STARD9: variants seen among roughly 807,000 people sequenced by gnomAD.
The protein encoded by STARD9 is stAR-related lipid transfer protein 9.
Under a neutral mutation model 399.8 loss-of-function variants are expected in STARD9, and 346 were observed. The ratio of observed to expected loss-of-function variants is 0.87; its 90% CI spans 0.79 to 0.95. STARD9 has a LOEUF of 0.95. Ranked by LOEUF, STARD9 falls within the 40% of genes least tolerant of loss-of-function variation. STARD9 has a pLI of 0.00. For missense variants in STARD9, 5,832 were observed against 5,667.5 expected (o/e 1.03, Z -0.93); for synonymous variants, 2,203 against 2,143.5 (o/e 1.03, Z -0.77).
chr15:42,587,356 C>G (rs957678165), intron 3 of STARD9, among the ~76,000 whole-genome samples: 2 of 152,000 alleles, frequency 1.3e-5, no homozygotes, highest in Admixed American at 1.3e-4. Context: ...GAAATAAGAC[C>G]GTAGACCACT....
At chr15:42,701,161 G>A (rs2060955928) in intron 26 of STARD9, among the ~76,000 whole-genome samples, 1 of 152,092 alleles carries the variant, frequency 6.6e-6, no homozygotes. Flanking sequence ...CTATAGCTTG[G>A]TAGTATTTTT....
chr15:42,674,330 G>A lies in STARD9; in HGVS notation c.1498-110G>A, dbSNP rs560628012. The A allele has an allele frequency of 4.6e-6, 4 of 878,994 alleles. No individual in the cohort carries two copies. The South Asian group carries it at 6.1e-5, about 13-fold the overall frequency. 54.4% of individuals were successfully genotyped at this position (878,994 alleles called of 1,614,324 possible). A position where few individuals can be genotyped will look rare whatever the true frequency, so the allele number is the denominator to read the frequency against. ...ACCAGGCTGGGATGGGATGAGAAGT[G>A]GTACAGATGAGGCTGGGAAGACAGT... On this transcript the variant is annotated intron_variant, in intron 16 of 32. Transcript: ENST00000290607.
chr15:42,636,447 G>A (rs1211860063), intron 4 of STARD9, among the ~76,000 whole-genome samples: 1 of 152,196 alleles, frequency 6.6e-6, no homozygotes, highest in Non-Finnish European at 1.5e-5. Context: ...CAGACATGGT[G>A]GCGTGCGCCT....
intron 3 of STARD9, among the ~76,000 whole-genome samples, chr15:42,589,753 C>G (rs1008432462): frequency 6.6e-6 from 1 of 151,610 alleles, no homozygotes; most frequent in African/African-American, 2.4e-5. Context: ...ATTACAGGCG[C>G]CTGCCACCAT....
intron 10 of STARD9, 91 bp downstream of exon 10, chr15:42,661,316 C>A: frequency 1.1e-6 from 1 of 915,292 alleles, no homozygotes; most frequent in Non-Finnish European, 1.7e-6. Context: ...ACATTTCAGT[C>A]ATCCTGAGAG....
Position 42,690,422 on chromosome 15 carries a change from C to A in STARD9, c.8844C>A (p.Ser2948Arg). The change falls in exon 23 of 33, where the codon AGC (serine) becomes AGA (arginine). Residue 2948 changes from serine to arginine, a missense_variant. Coordinates refer to ENST00000290607, the MANE Select transcript of STARD9 (RefSeq NM_020759.3). ...TCAGCCCGTCTAGAGGGAAAGAGAG[C>A]AGAACTCTTCCTTGCCGACAGCCAT... ...RTLSPSRGKESRTLPCRQPCS... is the reference protein window; with the variant it reads ...RTLSPSRGKERRTLPCRQPCS... The A allele has an allele frequency of 3.9e-6, 6 of 1,537,172 alleles. No individual in the cohort carries two copies. Among genetic ancestry groups the A allele is most frequent in the Non-Finnish European group, 5.2e-6 (6 of 1,146,868 alleles).
chr15:42,652,783 C>T (rs908017338), intron 9 of STARD9, among the ~76,000 whole-genome samples, 191 bp downstream of exon 9: 2 of 152,172 alleles, frequency 1.3e-5, no homozygotes. Flanking sequence ...TCAAACAATT[C>T]TCCTGCCTCA....
intron 7 of STARD9, among the ~76,000 whole-genome samples, chr15:42,648,310 A>G (rs1418580306): frequency 6.6e-6 from 1 of 151,958 alleles, no homozygotes; most frequent in Non-Finnish European, 1.5e-5. Flanking sequence ...TTACAGGCAC[A>G]TGCTACCGTG....
intron 4 of STARD9, among the ~76,000 whole-genome samples, chr15:42,635,531 G>A (rs193141726): frequency 2.0e-5 from 3 of 151,976 alleles, no homozygotes; most frequent in Admixed American, 1.3e-4. Flanking sequence ...GGGTTTCACC[G>A]TGTTAGCCAG....
chr15:42,627,596 GC>G (rs1477515974), intron 3 of STARD9, among the ~76,000 whole-genome samples: 5 of 151,898 alleles, frequency 3.3e-5, no homozygotes. Flanking sequence ...TCCCTCTACC[GC>G]CACTGCCCTT....
At chr15:42,636,910 A>T (rs2059429142) in intron 4 of STARD9, among the ~76,000 whole-genome samples, 1 of 151,890 alleles carries the variant, frequency 6.6e-6, no homozygotes, top group African/African-American at 2.4e-5. Context: ...TACTAAAAAT[A>T]CAAATTAGCC....
At chr15:42,673,752 A>T (rs1017895660) in intron 16 of STARD9, among the ~76,000 whole-genome samples, 2 of 152,178 alleles carry the variant, frequency 1.3e-5, no homozygotes, top group African/African-American at 4.8e-5. Flanking sequence ...TAACATAGCT[A>T]TGTGGGTCTT....
chr15:42,643,300 A>G (rs1211292947), intron 7 of STARD9, among the ~76,000 whole-genome samples: 1 of 151,522 alleles, frequency 6.6e-6, no homozygotes, highest in Non-Finnish European at 1.5e-5. Flanking sequence ...AAGTTTGAGT[A>G]ATTCTGCTGC....
At chr15:42,612,651 C>T (rs958859664) in intron 3 of STARD9, among the ~76,000 whole-genome samples, 11 of 152,118 alleles carry the variant, frequency 7.2e-5, no homozygotes, top group African/African-American at 1.9e-4. Context: ...GGACAGTTGT[C>T]CATGGGAACA....
intron 20 of STARD9, 140 bp downstream of exon 20, chr15:42,676,115 G>T (rs889539745): frequency 2.8e-6 from 2 of 703,652 alleles, no homozygotes; most frequent in Non-Finnish European, 4.8e-6. Flanking sequence ...ATCAACTTGG[G>T]CAAGTCATTT....
intron 3 of STARD9, among the ~76,000 whole-genome samples, chr15:42,600,466 T>TG (rs1034010269): frequency 7.9e-5 from 12 of 151,634 alleles, no homozygotes; most frequent in African/African-American, 2.9e-4. Flanking sequence ...GGTAAACAAA[T>TG]GGGGGGTGCT....
chr15:42,597,552 T>G (rs2058531554), intron 3 of STARD9, among the ~76,000 whole-genome samples: 1 of 151,612 alleles, frequency 6.6e-6, no homozygotes, highest in Non-Finnish European at 1.5e-5. Flanking sequence ...TTGTTTGTTT[T>G]TTTAAATAGA....
rs570558234 is a variant in STARD9 at position 42,667,500 on chromosome 15, G to A, written c.1317+1652G>A. Among the ~76,000 whole-genome samples the A allele has an allele frequency of 2.1e-5, 3 of 143,664 alleles. No homozygotes were observed. In the South Asian group the frequency reaches 6.7e-4, roughly 32 times the overall value. The allele number at this position is 143,664 out of a possible 152,430, so 94.2% of individuals were successfully genotyped here. A position where few individuals can be genotyped will look rare whatever the true frequency, so the allele number is the denominator to read the frequency against. On this transcript the variant is annotated intron_variant, in intron 15 of 32. Transcript: ENST00000290607. ...ACTTGGCCTATTTTTTATTATTTTG[G>A]GACAGAGTTTCGCTCTTGTCATCCA...
chr15:42,580,800 G>A (rs1425357825), intron 1 of STARD9, among the ~76,000 whole-genome samples: 1 of 152,122 alleles, frequency 6.6e-6, no homozygotes, highest in African/African-American at 2.4e-5. Flanking sequence ...CTGGGCAACA[G>A]AGCAAGACTT....
Sources: gnomAD v4.1 joint callset for allele counts (sites outside exome capture counted in the v4.1 genomes callset) on GRCh38, gnomAD v4.1.1 for gene constraint, MANE v1.5 for transcripts, NCBI Gene and HGNC (gene_info 2026-07-23, HGNC 2026-07-21) for gene names.